Variants in FLNB observed in about 807,000 individuals in gnomAD.
The protein encoded by FLNB is filamin B.
A neutral mutation model predicts 250.6 loss-of-function variants in FLNB; 111 were observed. That is an observed-to-expected ratio of 0.44 (90% confidence interval 0.38 to 0.52). The LOEUF (loss-of-function observed/expected upper bound fraction) is 0.52. FLNB is among the 20% of genes least tolerant of loss of function. The pLI, the probability that FLNB is intolerant of heterozygous loss-of-function variation, is 0.00. For synonymous variants in FLNB, 1,302 were observed against 1,372.1 expected (o/e 0.95, Z 1.13); for missense variants, 2,869 against 3,447.8 (o/e 0.83, Z 4.20).
intron 4 of FLNB, 90 bp downstream of exon 4, chr3:58,081,866 C>A (rs953178553): frequency 2.8e-6 from 4 of 1,405,506 alleles, no homozygotes; most frequent in African/African-American, 2.8e-5. Flanking sequence ...TTCTTAGAAT[C>A]AAAAATAGAT....
chr3:58,125,729 C>T lies in FLNB; in HGVS notation c.4047C>T (p.Phe1349=). 1 of 1,614,182 alleles carries T rather than the reference C, an allele frequency of 6.2e-7. No homozygotes were observed. The highest frequency in any genetic ancestry group is 8.5e-7 in the Non-Finnish European group (1 of 1,180,028). Residue 1349 remains phenylalanine (F), a synonymous_variant, in exon 23 of 46, where the codon TTC becomes TTT. Transcript: ENST00000295956. The part of the protein sequence containing the change: ...KEAFTNKPNV[F]TVVTRGAGIG... ...CCTTTACCAACAAGCCCAATGTCTTCACCGTGGTTACCAGGTAGGCAAGGC... is the reference window on the plus strand; with the variant it reads ...CCTTTACCAACAAGCCCAATGTCTTTACCGTGGTTACCAGGTAGGCAAGGC...
chr3:58,046,468 T>A (rs2097154392), intron 1 of FLNB, among the ~76,000 whole-genome samples: 2 of 151,796 alleles, frequency 1.3e-5, no homozygotes, highest in Admixed American at 1.3e-4. Context: ...TTTTTTTTTT[T>A]GGAGACGGAG....
Position 58,172,212 on chromosome 3 carries a change from G to A in FLNB, c.*1450G>A, listed in dbSNP as rs577715021. 6.6e-6 allele frequency: 1 copy of A among 152,596 alleles called. No homozygotes were observed. Among genetic ancestry groups the A allele is most frequent in the Non-Finnish European group, 1.5e-5 (1 of 68,052 alleles). 9.5% of individuals were successfully genotyped at this position (152,596 alleles called of 1,614,324 possible). On this transcript the variant is annotated 3_prime_UTR_variant, in exon 46 of 46. Coordinates refer to ENST00000295956, the MANE Select transcript of FLNB (RefSeq NM_001457.4). ...TGGAATCAAACGCCGACTGTAAATTGTATCTTATAACTTATTAAATAAAAC... is the reference window on the plus strand; with the variant it reads ...TGGAATCAAACGCCGACTGTAAATTATATCTTATAACTTATTAAATAAAAC...
Position 58,070,728 on chromosome 3 carries a change from T to C in FLNB, c.293-6318T>C, listed in dbSNP as rs1658383. 8.2e-3 allele frequency among the ~76,000 whole-genome samples: 1,245 copies of C among 151,044 alleles called. 20 individuals are homozygous for C. Among genetic ancestry groups the C allele is most frequent in the African/African-American group, 0.028 (1,161 of 41,026 alleles). ...AGGCTGGAGTGCAGTGGTGCTATCTTGGCTCACTGCAACCTCTGCCTCCTG... is the reference window on the plus strand; with the variant it reads ...AGGCTGGAGTGCAGTGGTGCTATCTCGGCTCACTGCAACCTCTGCCTCCTG... On this transcript the variant is annotated intron_variant, in intron 1 of 45. Coordinates refer to ENST00000295956, the MANE Select transcript of FLNB (RefSeq NM_001457.4).
chr3:58,025,527 T>C (rs1378814822), intron 1 of FLNB, among the ~76,000 whole-genome samples: 1 of 152,172 alleles, frequency 6.6e-6, no homozygotes, highest in Non-Finnish European at 1.5e-5. Flanking sequence ...CCTGGTCTTG[T>C]GTTTGCTCCT....
chr3:58,074,284 G>A (rs2097198692), intron 1 of FLNB, among the ~76,000 whole-genome samples: 1 of 152,244 alleles, frequency 6.6e-6, no homozygotes, highest in African/African-American at 2.4e-5. Context: ...TGGTTTAACA[G>A]ATCCTTCAGG....
chr3:58,096,213 C>T lies in FLNB; in HGVS notation c.979C>T (p.His327Tyr), dbSNP rs754280991. 6.8e-6 allele frequency: 11 copies of T among 1,612,462 alleles called. 2 individuals are homozygous for T. The South Asian group carries it at 1.1e-4, about 16-fold the overall frequency. The change falls in exon 6 of 46, where the codon CAC (histidine) becomes TAC (tyrosine). Residue 327 changes from histidine to tyrosine, a missense_variant. Around this residue, in one of 5 missense-constraint regions of FLNB, gnomAD observed 308 missense variants for 466.1 expected, o/e 0.66. Coordinates refer to ENST00000295956, the MANE Select transcript of FLNB (RefSeq NM_001457.4). ...GTATCTGCCCAAGGTCACCGGGCTA[C>T]ACAAAGTAAGATGAAGCAGCATGGC... Reference protein sequence around the residue: ...VEYLPKVTGLHKVTVLFAGQH... With the variant: ...VEYLPKVTGLYKVTVLFAGQH...
At chr3:58,062,364 C>A (rs979531081) in intron 1 of FLNB, among the ~76,000 whole-genome samples, 14 of 152,208 alleles carry the variant, frequency 9.2e-5, no homozygotes, top group African/African-American at 3.1e-4. Context: ...ATTCTTTTCA[C>A]AGCACCCTGT....
intron 1 of FLNB, among the ~76,000 whole-genome samples, chr3:58,046,492 C>A (rs1426267112): frequency 6.6e-6 from 1 of 151,654 alleles, no homozygotes; most frequent in Non-Finnish European, 1.5e-5. Flanking sequence ...TACTCTTGCC[C>A]AGGCTGGAGT....
intron 42 of FLNB, among the ~76,000 whole-genome samples, chr3:58,160,838 T>A (rs920205855): frequency 6.0e-5 from 9 of 151,100 alleles, no homozygotes; most frequent in Non-Finnish European, 1.3e-4. Context: ...AAAAAAAAAA[T>A]TAGCCAGGCA....
At chr3:58,012,509 C>T (rs1251901405) in intron 1 of FLNB, among the ~76,000 whole-genome samples, 1 of 152,128 alleles carries the variant, frequency 6.6e-6, no homozygotes, top group African/African-American at 2.4e-5. Flanking sequence ...CTCTCCACAT[C>T]AGAGGGTCCC....
At chr3:58,054,752 C>A (rs2097167671) in intron 1 of FLNB, among the ~76,000 whole-genome samples, 1 of 152,124 alleles carries the variant, frequency 6.6e-6, no homozygotes, top group South Asian at 2.1e-4. Context: ...GGGGACATAG[C>A]CAAGCCACAT....
At chr3:58,070,844 G>A (rs1025484256) in intron 1 of FLNB, among the ~76,000 whole-genome samples, 3 of 151,530 alleles carry the variant, frequency 2.0e-5, no homozygotes, top group African/African-American at 7.3e-5. Context: ...AAGAGACTGG[G>A]TTTCACCATG....
Position 58,025,290 on chromosome 3 carries a change from C to T in FLNB, c.292+16434C>T, listed in dbSNP as rs183463473. Among the ~76,000 whole-genome samples the T allele has an allele frequency of 3.5e-3, 529 of 151,686 alleles. 3 individuals are homozygous for T. Among genetic ancestry groups the T allele is most frequent in the African/African-American group, 0.012 (496 of 41,292 alleles). On this transcript the variant is annotated intron_variant, in intron 1 of 45. Coordinates refer to ENST00000295956, the MANE Select transcript of FLNB (RefSeq NM_001457.4). ...GACCACAGGCACACACCACCACACC[C>T]GGCTAATTTTTGCATTTTTTGTAGA...
intron 43 of FLNB, 138 bp from the exon 44 acceptor site, chr3:58,168,302 G>C (rs2097374413): frequency 6.8e-6 from 5 of 735,108 alleles, no homozygotes; most frequent in South Asian, 1.5e-5. Flanking sequence ...GAAGTTCAGA[G>C]CTAGTGCCAG....
intron 11 of FLNB, among the ~76,000 whole-genome samples, chr3:58,106,352 CTATATATATA>C (rs10540627): frequency 4.5e-5 from 6 of 132,986 alleles, no homozygotes; most frequent in African/African-American, 1.4e-4. Flanking sequence ...GTATTTAATA[CTATATATATA>C]TATATATATA....
intron 1 of FLNB, among the ~76,000 whole-genome samples, chr3:58,042,886 A>G (rs1474914916): frequency 1.3e-5 from 2 of 151,994 alleles, no homozygotes; most frequent in Admixed American, 1.3e-4. Flanking sequence ...GTGATTTTCT[A>G]CTGGGAATGT....
chr3:58,095,661 C>T (rs907349656), intron 5 of FLNB, among the ~76,000 whole-genome samples: 1 of 152,244 alleles, frequency 6.6e-6, no homozygotes, highest in Non-Finnish European at 1.5e-5. Context: ...TTTGCACATG[C>T]TGTTCTTTCT....
chr3:58,133,214 C>G (rs557191292), intron 26 of FLNB, among the ~76,000 whole-genome samples: 6 of 152,150 alleles, frequency 3.9e-5, no homozygotes, highest in African/African-American at 1.4e-4. Flanking sequence ...TGTCACCACA[C>G]ACTAGCCTTG....
Sources: allele counts gnomAD v4.1 joint callset (sites outside exome capture counted in the v4.1 genomes callset), GRCh38; gene constraint gnomAD v4.1.1; regional missense constraint gnomAD v4.1.1; transcripts MANE v1.5; gene names NCBI Gene and HGNC (gene_info 2026-07-23, HGNC 2026-07-21).